The following PABPC3 variants were observed in gnomAD, a reference collection of about 807,000 sequenced individuals.
The protein encoded by PABPC3 is poly(A) binding protein cytoplasmic 3.
Under a neutral mutation model 43.0 loss-of-function variants are expected in PABPC3, and 43 were observed. That is an observed-to-expected ratio of 1.00 (90% CI 0.78 to 1.29). PABPC3 has a LOEUF of 1.29. PABPC3 is among the 50% of genes most tolerant of loss of function. The pLI is 0.00. For synonymous variants in PABPC3, 221 were observed against 274.6 expected (o/e 0.80, Z 1.93); for missense variants, 784 against 798.1 (o/e 0.98, Z 0.21).
rs1285963374 is a variant in PABPC3, at chr13:25,098,186, TAAAATAA to T, written c.*98_*104del. On this transcript the variant is annotated 3_prime_UTR_variant, in exon 1 of 1. Coordinates refer to ENST00000281589, the MANE Select transcript of PABPC3 (RefSeq NM_030979.3). ...CTATGGGAAAAAAAATTGCAAAATC[TAAAATAA>T]AAAATGCAAAATCTAAAATAAAAAA... is the stretch of plus-strand genomic sequence containing the variant. 8.2e-7 allele frequency: 1 copy of T among 1,218,002 alleles called. No individual in the cohort carries two copies. The highest frequency in any genetic ancestry group is 1.5e-5 in the African/African-American group (1 of 65,062). The allele number at this position is 1,218,002 out of a possible 1,614,324, so 75.4% of individuals were successfully genotyped here.
In PABPC3 at chr13:25,098,246, C is replaced by T; in HGVS notation, c.*152C>T. On this transcript the variant is annotated 3_prime_UTR_variant, in exon 1 of 1. Coordinates refer to ENST00000281589, the MANE Select transcript of PABPC3 (RefSeq NM_030979.3). ...GAAAGGAAACTTTGAACCTTATGTACCGAGCAAATGCAAGGTCTAGCAAAT... is the reference window on the plus strand; with the variant it reads ...GAAAGGAAACTTTGAACCTTATGTATCGAGCAAATGCAAGGTCTAGCAAAT... 1.5e-6 allele frequency: 1 copy of T among 676,102 alleles called. No individual in the cohort carries two copies. The highest frequency in any genetic ancestry group is 2.5e-6 in the Non-Finnish European group (1 of 392,306). The allele number at this position is 676,102 out of a possible 1,614,324, so 41.9% of individuals were successfully genotyped here.
In PABPC3 at chr13:25,096,319, C is replaced by T; in HGVS notation, c.121C>T (p.Arg41Trp). The change falls in exon 1 of 1, where the codon CGG (arginine) becomes TGG (tryptophan). Residue 41 changes from arginine to tryptophan, a missense_variant. Physicochemically the swap from Arg to Trp is moderately radical, Grantham distance 101 (BLOSUM62 -3). Coordinates refer to ENST00000281589, the MANE Select transcript of PABPC3 (RefSeq NM_030979.3). The part of the protein sequence containing the change: ...FSPAGPILSI[R>W]ICRDLITSGS... ...CCCGGCAGGGCCCATCCTCTCCATCCGGATCTGCAGGGACTTGATCACCAG... is the reference window on the plus strand; with the variant it reads ...CCCGGCAGGGCCCATCCTCTCCATCTGGATCTGCAGGGACTTGATCACCAG... 1.2e-6 allele frequency: 2 copies of T among 1,614,246 alleles called. No homozygotes were observed. The highest frequency in any genetic ancestry group is 1.3e-5 in the African/African-American group (1 of 75,056).
Position 25,097,375 on chromosome 13 carries a change from C to T in PABPC3, c.1177C>T (p.Pro393Ser). The T allele has an allele frequency of 6.2e-7, 1 of 1,614,176 alleles. No homozygotes were observed. The highest frequency in any genetic ancestry group is 8.5e-7 in the Non-Finnish European group (1 of 1,180,038). ...MQRMASVRAV[P>S]NQRAPPSGYF... Reference sequence around the variant, plus strand: ...GAGAATGGCAAGTGTACGAGCTGTGCCCAACCAGCGAGCACCTCCTTCAGG... The same window carrying T: ...GAGAATGGCAAGTGTACGAGCTGTGTCCAACCAGCGAGCACCTCCTTCAGG... The change falls in exon 1 of 1, where the codon CCC becomes TCC. Residue 393 changes from proline (P) to serine (S), a missense_variant. Coordinates refer to ENST00000281589, the MANE Select transcript of PABPC3 (RefSeq NM_030979.3).
In PABPC3 at chr13:25,097,920, G is replaced by A; in HGVS notation, c.1722G>A (p.Gly574=). ...LIQAMHPTLA[G]KITGMLLEID... ...AAGCCATGCACCCTACTCTTGCTGGGAAAATCACTGGCATGTTGTTGGAGA... is the reference window on the plus strand; with the variant it reads ...AAGCCATGCACCCTACTCTTGCTGGAAAAATCACTGGCATGTTGTTGGAGA... Residue 574 remains glycine, a synonymous_variant, in exon 1 of 1, where the codon GGG becomes GGA. Coordinates refer to ENST00000281589, the MANE Select transcript of PABPC3 (RefSeq NM_030979.3). 6.5e-7 allele frequency: 1 copy of A among 1,536,376 alleles called. No homozygotes were observed.
Position 25,097,544 on chromosome 13 carries a change from G to A in PABPC3, c.1346G>A (p.Arg449His), listed in dbSNP as rs371964552. The A allele has an allele frequency of 1.8e-5, 29 of 1,614,044 alleles. No homozygotes were observed. The highest frequency in any genetic ancestry group is 8.9e-5 in the East Asian group (4 of 44,904). ...HPFQNKPSAI[R>H]PGAPRVPFST... is the part of the protein sequence containing the mutation. ...TTCCAAAATAAGCCCAGTGCTATCC[G>A]CCCAGGTGCTCCTAGAGTACCATTT... The change falls in exon 1 of 1, where the codon CGC becomes CAC. Residue 449 changes from arginine (R) to histidine (H), a missense_variant. Physicochemically the swap from Arg to His is conservative, Grantham distance 29 (BLOSUM62 0). Coordinates refer to ENST00000281589, the MANE Select transcript of PABPC3 (RefSeq NM_030979.3).
In PABPC3 at chr13:25,096,339, C is replaced by T. The variant is rs147302395; in HGVS notation, c.141C>T (p.Ile47=). ...CCATCCGGATCTGCAGGGACTTGAT[C>T]ACCAGCGGCTCCTCCAACTACGCGT... is the stretch of plus-strand genomic sequence containing the variant. ...ILSIRICRDL[I]TSGSSNYAYV... is the part of the protein sequence containing the mutation. The change falls in exon 1 of 1, where the codon ATC becomes ATT. Residue 47 remains isoleucine (I), a synonymous_variant. Coordinates refer to ENST00000281589, the MANE Select transcript of PABPC3 (RefSeq NM_030979.3). 4 of 1,614,228 alleles carry T rather than the reference C, an allele frequency of 2.5e-6. No individual in the cohort carries two copies. Among genetic ancestry groups the T allele is most frequent in the Non-Finnish European group, 8.5e-7 (1 of 1,180,044 alleles).
At position 25,098,054 on chromosome 13, in the gene PABPC3, A is replaced by G. The variant is rs1277330327; in HGVS notation, c.1856A>G (p.Gln619Arg). ...GCCCACCAAGCTAAAGAGGCTACCCAGAAAGCAGTTAACAGTGCTACCGGT... is the reference window on the plus strand; with the variant it reads ...GCCCACCAAGCTAAAGAGGCTACCCGGAAAGCAGTTAACAGTGCTACCGGT... ...LQAHQAKEATQKAVNSATGVP... is the reference protein window; with the variant it reads ...LQAHQAKEATRKAVNSATGVP... The change falls in exon 1 of 1, where the codon CAG becomes CGG. Residue 619 changes from glutamine (Q) to arginine (R), a missense_variant. Coordinates refer to ENST00000281589, the MANE Select transcript of PABPC3 (RefSeq NM_030979.3). The G allele has an allele frequency of 1.1e-5, 17 of 1,614,040 alleles. No homozygotes were observed. The highest frequency in any genetic ancestry group is 1.4e-5 in the Non-Finnish European group (17 of 1,179,868).
In PABPC3 at chr13:25,096,807, T is replaced by G. The variant is rs779683088; in HGVS notation, c.609T>G (p.Asp203Glu). ...TCAAGAATTTTGGAGAAGACATGGA[T>G]GATGAGCGCCTTAAGGATCTCTTTG... The part of the protein sequence containing the change: ...VYIKNFGEDM[D>E]DERLKDLFGK... The change falls in exon 1 of 1, where the codon GAT (aspartate) becomes GAG (glutamate). Residue 203 changes from aspartate (D) to glutamate (E), a missense_variant. Physicochemically the swap from Asp to Glu is conservative, Grantham distance 45. Coordinates refer to ENST00000281589, the MANE Select transcript of PABPC3 (RefSeq NM_030979.3). 185 of 1,614,300 alleles carry G rather than the reference T, an allele frequency of 1.1e-4. No individual in the cohort carries two copies. In the Middle Eastern group the frequency reaches 2.1e-3, roughly 19 times the overall value.
rs139401194 is a variant in PABPC3 at position 25,096,390 on chromosome 13, C to T, written c.192C>T (p.Asp64=). Residue 64 remains aspartate, a synonymous_variant, in exon 1 of 1, where the codon GAC becomes GAT. Coordinates refer to ENST00000281589, the MANE Select transcript of PABPC3 (RefSeq NM_030979.3). ...YAYVNFQHTK[D]AEHALDTMNF... ...ATGTGAACTTCCAGCATACGAAGGA[C>T]GCGGAGCATGCTCTGGACACCATGA... is the stretch of plus-strand genomic sequence containing the variant. 1.1e-5 allele frequency: 18 copies of T among 1,614,104 alleles called. No homozygotes were observed. The African/African-American group carries it at 2.3e-4, about 20-fold the overall frequency.
rs139042913 is a variant in PABPC3 at position 25,096,734 on chromosome 13, G to A, written c.536G>A (p.Arg179Gln). 1.6e-5 allele frequency: 26 copies of A among 1,614,302 alleles called. No homozygotes were observed. In the African/African-American group the frequency reaches 2.4e-4, roughly 15 times the overall value. Residue 179 changes from arginine to glutamine, a missense_variant, in exon 1 of 1, where the codon CGA (arginine) becomes CAA (glutamine). Coordinates refer to ENST00000281589, the MANE Select transcript of PABPC3 (RefSeq NM_030979.3). Reference protein sequence around the residue: ...FVGQFKSRKEREAELGARAKE... With the variant: ...FVGQFKSRKEQEAELGARAKE... ...GGACAATTTAAGTCTCGTAAAGAAC[G>A]AGAAGCTGAACTTGGAGCTAGGGCA...
the PABPC3 span, chr13:25,096,233 C>A: frequency 1.2e-6 from 2 of 1,614,098 alleles, no homozygotes; most frequent in East Asian, 2.2e-5. Context: ...CCAACGGCCT[C>A]GCTCTACGTG....
Position 25,096,907 on chromosome 13 carries a change from A to G in PABPC3, c.709A>G (p.Ser237Gly). ...SGKSKGFGFV[S>G]FERHEDAQKA... ...AAAATCCAAAGGATTTGGATTTGTA[A>G]GCTTTGAAAGGCATGAAGATGCACA... The change falls in exon 1 of 1, where the codon AGC (serine) becomes GGC (glycine). Residue 237 changes from serine to glycine, a missense_variant. Physicochemically the swap from Ser to Gly is moderately conservative, Grantham distance 56 (BLOSUM62 0). Coordinates refer to ENST00000281589, the MANE Select transcript of PABPC3 (RefSeq NM_030979.3). 1 of 1,614,292 alleles carries G rather than the reference A, an allele frequency of 6.2e-7. No homozygotes were observed. Among genetic ancestry groups the G allele is most frequent in the Admixed American group, 1.7e-5 (1 of 60,034 alleles).
In PABPC3 at chr13:25,097,052, A is replaced by C. The variant is rs1956044397; in HGVS notation, c.854A>C (p.Gln285Pro). 6.2e-7 allele frequency: 1 copy of C among 1,614,264 alleles called. No homozygotes were observed. The highest frequency in any genetic ancestry group is 1.7e-5 in the Admixed American group (1 of 60,030). ...AAGCGCACATTTGAACAGATGAAGC[A>C]AGATAGGATCACCAGATACCAGGTT... is the stretch of plus-strand genomic sequence containing the variant. ...ELKRTFEQMK[Q>P]DRITRYQVVN... Residue 285 changes from glutamine to proline, a missense_variant, in exon 1 of 1, where the codon CAA becomes CCA. Coordinates refer to ENST00000281589, the MANE Select transcript of PABPC3 (RefSeq NM_030979.3).
chr13:25,097,146 A>G lies in PABPC3; in HGVS notation c.948A>G (p.Pro316=), dbSNP rs375895409. The G allele has an allele frequency of 9.3e-5, 150 of 1,614,024 alleles. No homozygotes were observed. The highest frequency in any genetic ancestry group is 1.1e-4 in the Non-Finnish European group (124 of 1,180,064). Residue 316 remains proline, a synonymous_variant, in exon 1 of 1, where the codon CCA becomes CCG. Transcript: ENST00000281589. ...DDERLRKAFS[P]FGTITSAKVM... is the part of the protein sequence containing the mutation. ...AACGTCTCCGGAAAGCGTTTTCTCC[A>G]TTTGGTACAATCACTAGTGCAAAGG... is the stretch of plus-strand genomic sequence containing the variant.
rs1956061853 is a variant in PABPC3, at chr13:25,098,527, A to G, written c.*433A>G. On this transcript the variant is annotated 3_prime_UTR_variant, in exon 1 of 1. Coordinates refer to ENST00000281589, the MANE Select transcript of PABPC3 (RefSeq NM_030979.3). ...TGAGCAAGGAAACATGGTTTGGATT[A>G]TAAAATTCTTGCTTTAATAAAAATT... 1.8e-5 allele frequency: 3 copies of G among 168,168 alleles called. No homozygotes were observed. The highest frequency in any genetic ancestry group is 7.2e-5 in the African/African-American group (3 of 41,452). 10.4% of individuals were successfully genotyped at this position (168,168 alleles called of 1,614,324 possible).
In PABPC3 at chr13:25,096,854, G is replaced by A. The variant is rs767556863; in HGVS notation, c.656G>A (p.Ser219Asn). ...DLFGKFGPAL[S>N]VKVMTDESGK... ...TTTGGCAAGTTCGGGCCCGCCTTAAGTGTGAAAGTAATGACCGATGAAAGT... is the reference window on the plus strand; with the variant it reads ...TTTGGCAAGTTCGGGCCCGCCTTAAATGTGAAAGTAATGACCGATGAAAGT... Residue 219 changes from serine (S) to asparagine (N), a missense_variant, in exon 1 of 1, where the codon AGT becomes AAT. Transcript: ENST00000281589. 39 of 1,614,300 alleles carry A rather than the reference G, an allele frequency of 2.4e-5. No individual in the cohort carries two copies. Among genetic ancestry groups the A allele is most frequent in the Middle Eastern group, 3.3e-4 (2 of 6,060 alleles).
chr13:25,096,195 G>T lies in PABPC3; in HGVS notation c.-4G>T. Reference sequence around the variant, plus strand: ...TTGTGTGCCTGCGGGCAGCCGTGCCGAGAATGAACCCCAGCACCCCCAGCT... The same window carrying T: ...TTGTGTGCCTGCGGGCAGCCGTGCCTAGAATGAACCCCAGCACCCCCAGCT... On this transcript the variant is annotated 5_prime_UTR_variant, in exon 1 of 1. Coordinates refer to ENST00000281589, the MANE Select transcript of PABPC3 (RefSeq NM_030979.3). 1 of 1,607,872 alleles carries T rather than the reference G, an allele frequency of 6.2e-7. No individual in the cohort carries two copies. Among genetic ancestry groups the T allele is most frequent in the Non-Finnish European group, 8.5e-7 (1 of 1,175,820 alleles).
Position 25,098,080 on chromosome 13 carries a change from G to T in PABPC3, c.1882G>T (p.Val628Phe). ...TQKAVNSATG[V>F]PTV ...GAAAGCAGTTAACAGTGCTACCGGT[G>T]TTCCAACTGTTTAAAATTGATCAGA... Residue 628 changes from valine (V) to phenylalanine (F), a missense_variant, in exon 1 of 1, where the codon GTT (valine) becomes TTT (phenylalanine). Coordinates refer to ENST00000281589, the MANE Select transcript of PABPC3 (RefSeq NM_030979.3). 1 of 1,613,754 alleles carries T rather than the reference G, an allele frequency of 6.2e-7. No individual in the cohort carries two copies. The highest frequency in any genetic ancestry group is 1.3e-5 in the African/African-American group (1 of 75,016).
Position 25,096,287 on chromosome 13 carries a change from A to C in PABPC3, c.89A>C (p.Lys30Thr). ...PDVTEAMLYE[K>T]FSPAGPILSI... ...GTGACTGAGGCGATGCTCTACGAGA[A>C]GTTCAGCCCGGCAGGGCCCATCCTC... Residue 30 changes from lysine (K) to threonine (T), a missense_variant, in exon 1 of 1, where the codon AAG becomes ACG. By Grantham distance (78) the Lys-to-Thr change is moderately conservative. Transcript: ENST00000281589. 3.7e-6 allele frequency: 6 copies of C among 1,613,860 alleles called. No individual in the cohort carries two copies. Among genetic ancestry groups the C allele is most frequent in the Non-Finnish European group, 5.1e-6 (6 of 1,179,910 alleles).
Sources: gnomAD v4.1 joint callset for allele counts on GRCh38, gnomAD v4.1.1 for gene constraint, MANE v1.5 for transcripts, NCBI Gene and HGNC (gene_info 2026-07-23, HGNC 2026-07-21) for gene names.